TXNL1: variants seen among roughly 807,000 people sequenced by gnomAD.
The protein encoded by TXNL1 is thioredoxin-like protein 1.
Under a neutral mutation model 35.5 loss-of-function variants are expected in TXNL1, and 14 were observed. The observed-to-expected ratio is 0.39, with a 90% confidence interval of 0.26 to 0.62. The LOEUF (loss-of-function observed/expected upper bound fraction) is 0.62, where lower values mean the gene tolerates loss of function less well. Ranked by LOEUF, TXNL1 falls within the 20% of genes least tolerant of loss-of-function variation. The pLI is 0.47. For missense variants in TXNL1, 263 were observed against 349.7 expected (o/e 0.75, Z 1.98); for synonymous variants, 110 against 115.5 (o/e 0.95, Z 0.31).
At chr18:56,619,827 G>A (rs1450817222) in intron 3 of TXNL1, among the ~76,000 whole-genome samples, 1 of 151,798 alleles carries the variant, frequency 6.6e-6, no homozygotes, top group Non-Finnish European at 1.5e-5. Context: ...GGAATAAAGG[G>A]GTATTTAAAT....
chr18:56,611,101 C>G lies in TXNL1; in HGVS notation c.736-4G>C, dbSNP rs2023982997. ...CTTGATTCGACTGAACAAATATCTA[C>G]CAAAAAAAAGTTTGCATTTATAATT... On this transcript the variant is annotated splice_polypyrimidine_tract_variant and splice_region_variant and intron_variant, in intron 6 of 7. Coordinates refer to ENST00000217515, the MANE Select transcript of TXNL1 (RefSeq NM_004786.3). 6.3e-7 allele frequency: 1 copy of G among 1,584,438 alleles called. No individual in the cohort carries two copies. The highest frequency in any genetic ancestry group is 1.2e-5 in the South Asian group (1 of 85,504).
intron 2 of TXNL1, 137 bp from the exon 3 acceptor site, chr18:56,624,598 G>T: frequency 1.0e-6 from 1 of 959,610 alleles, no homozygotes; most frequent in Non-Finnish European, 1.5e-6. Context: ...GTTATTTAAG[G>T]AAAAAATAGA....
At chr18:56,622,403 A>G (rs2024203397) in intron 3 of TXNL1, among the ~76,000 whole-genome samples, 1 of 152,210 alleles carries the variant, frequency 6.6e-6, no homozygotes, top group Non-Finnish European at 1.5e-5. Flanking sequence ...CTGTAGGATA[A>G]TTAGAAATAT....
chr18:56,638,159 A>G (rs2024486834), intron 1 of TXNL1, among the ~76,000 whole-genome samples, 184 bp downstream of exon 1: 1 of 152,156 alleles, frequency 6.6e-6, no homozygotes, highest in Admixed American at 6.5e-5. Flanking sequence ...CCCGTCTAGG[A>G]ACCCCTGTGC....
At chr18:56,634,979 A>G (rs557626302) in intron 1 of TXNL1, among the ~76,000 whole-genome samples, 67 of 152,336 alleles carry the variant, frequency 4.4e-4, no homozygotes, top group Admixed American at 1.2e-3. Context: ...TGGGCACAGA[A>G]GGCCCAGCGC....
intron 1 of TXNL1, among the ~76,000 whole-genome samples, chr18:56,635,995 A>T (rs1041141398): frequency 6.6e-6 from 1 of 152,236 alleles, no homozygotes. Context: ...GATCAGCACA[A>T]ATGCAATTTT....
chr18:56,615,520 T>C (rs2024072211), intron 5 of TXNL1, among the ~76,000 whole-genome samples: 1 of 151,486 alleles, frequency 6.6e-6, no homozygotes. Context: ...AGAGAAATCC[T>C]AAGTCTGCAC....
chr18:56,611,845 AT>A lies in TXNL1; in HGVS notation c.736-749del, dbSNP rs375995266. On this transcript the variant is annotated intron_variant, in intron 6 of 7. Coordinates refer to ENST00000217515, the MANE Select transcript of TXNL1 (RefSeq NM_004786.3). ...AGTAGCCCACCAGCACACCCGGCTA[AT>A]TTTTTTTTTTTTTTTTTTAAGAGAT... Among the ~76,000 whole-genome samples, 216 of 116,430 alleles carry A rather than the reference AT, an allele frequency of 1.9e-3. 1 individual carries two copies. Among genetic ancestry groups the A allele is most frequent in the African/African-American group, 4.0e-3 (119 of 29,804 alleles). 76.4% of individuals were successfully genotyped at this position (116,430 alleles called of 152,430 possible).
intron 4 of TXNL1, among the ~76,000 whole-genome samples, chr18:56,616,908 C>T (rs752815471): frequency 1.9e-4 from 29 of 152,098 alleles, no homozygotes; most frequent in Non-Finnish European, 3.4e-4. Flanking sequence ...TTTCTCTCTC[C>T]GAAACTCTTC....
At position 56,599,970 on chromosome 18, in the gene TXNL1, A is replaced by G. The variant is rs1431226992; in HGVS notation, c.*3057T>C. Reference sequence around the variant, plus strand: ...AAAAATTAACCTACTAAATTGAACTATATGAGTATCAATACAAGCAACATG... The same window carrying G: ...AAAAATTAACCTACTAAATTGAACTGTATGAGTATCAATACAAGCAACATG... On this transcript the variant is annotated 3_prime_UTR_variant, in exon 8 of 8. Transcript: ENST00000217515. 6.6e-6 allele frequency: 1 copy of G among 151,700 alleles called. No individual in the cohort carries two copies. Among genetic ancestry groups the G allele is most frequent in the Non-Finnish European group, 1.5e-5 (1 of 68,040 alleles). 9.4% of individuals were successfully genotyped at this position (151,700 alleles called of 1,614,324 possible).
intron 1 of TXNL1, among the ~76,000 whole-genome samples, chr18:56,628,034 A>C (rs1159646415): frequency 1.3e-5 from 2 of 152,186 alleles, no homozygotes; most frequent in Non-Finnish European, 2.9e-5. Flanking sequence ...GAGAAGACTG[A>C]AACCCAAAAG....
rs1444456681 is a variant in TXNL1 at position 56,599,815 on chromosome 18, T to A, written c.*3212A>T. ...CTCAAGTGATCCAGCCGCCTCGGCC[T>A]CCCAAAATGCTGGGATTACAGGCAT... On this transcript the variant is annotated 3_prime_UTR_variant, in exon 8 of 8. Transcript: ENST00000217515. 2.6e-5 allele frequency: 4 copies of A among 152,062 alleles called. No homozygotes were observed. In the East Asian group the frequency reaches 7.7e-4, roughly 29 times the overall value. 9.4% of individuals were successfully genotyped at this position (152,062 alleles called of 1,614,324 possible).
At chr18:56,614,901 C>T (rs2024058911) in intron 5 of TXNL1, among the ~76,000 whole-genome samples, 1 of 152,042 alleles carries the variant, frequency 6.6e-6, no homozygotes, top group Admixed American at 6.6e-5. Flanking sequence ...AGACATGCTA[C>T]GATAAACAAA....
At chr18:56,635,605 G>A (rs2024443602) in intron 1 of TXNL1, among the ~76,000 whole-genome samples, 1 of 152,222 alleles carries the variant, frequency 6.6e-6, no homozygotes, top group Non-Finnish European at 1.5e-5. Flanking sequence ...CAAGGAGGTA[G>A]ATGGGGAGGG....
intron 3 of TXNL1, 103 bp from the exon 4 acceptor site, chr18:56,618,229 C>T: frequency 7.9e-7 from 1 of 1,263,774 alleles, no homozygotes; most frequent in Non-Finnish European, 1.1e-6. Flanking sequence ...TTAAAGAAAA[C>T]ACTTTTAAAA....
At chr18:56,614,623 T>C (rs1376182477) in intron 5 of TXNL1, 27 bp from the exon 6 acceptor site, 1 of 1,585,360 alleles carries the variant, frequency 6.3e-7, no homozygotes, top group Non-Finnish European at 8.6e-7. Flanking sequence ...TAAAATAAAA[T>C]GTTTAAAAAC....
At chr18:56,626,267 C>T in intron 2 of TXNL1, 94 bp downstream of exon 2, 1 of 1,525,314 alleles carries the variant, frequency 6.6e-7, no homozygotes, top group Non-Finnish European at 8.8e-7. Flanking sequence ...GGAATAAGTA[C>T]TATGTGCATC....
At chr18:56,625,281 T>G (rs2024257580) in intron 2 of TXNL1, among the ~76,000 whole-genome samples, 1 of 152,130 alleles carries the variant, frequency 6.6e-6, no homozygotes, top group South Asian at 2.1e-4. Context: ...ACATGTGAGC[T>G]ACACATGCAA....
Position 56,601,472 on chromosome 18 carries a change from C to G in TXNL1, c.*1555G>C, listed in dbSNP as rs1568096122. ...AAGGTTAAGTGTACAAAACTGTAAA[C>G]CAAAACCCTGCATATTAATCTTATC... On this transcript the variant is annotated 3_prime_UTR_variant, in exon 8 of 8. Coordinates refer to ENST00000217515, the MANE Select transcript of TXNL1 (RefSeq NM_004786.3). The G allele has an allele frequency of 6.6e-6, 1 of 152,146 alleles. No individual in the cohort carries two copies. Among genetic ancestry groups the G allele is most frequent in the African/African-American group, 2.4e-5 (1 of 41,416 alleles). 9.4% of individuals were successfully genotyped at this position (152,146 alleles called of 1,614,324 possible). A position where few individuals can be genotyped will look rare whatever the true frequency, so the allele number is the denominator to read the frequency against.
Sources: allele counts gnomAD v4.1 joint callset (sites outside exome capture counted in the v4.1 genomes callset), GRCh38; gene constraint gnomAD v4.1.1; transcripts MANE v1.5; gene names NCBI Gene and HGNC (gene_info 2026-07-23, HGNC 2026-07-21).